Variants in TCF4 observed in about 807,000 individuals in gnomAD.
TCF4 encodes the protein transcription factor 4.
TCF4 carries 3 observed loss-of-function variants against 82.1 expected under a neutral mutation model. The observed-to-expected ratio is 0.04, with a 90% CI of 0.02 to 0.09. The LOEUF is 0.09. Ranked by LOEUF, TCF4 falls within the 10% of genes least tolerant of loss-of-function variation. The pLI is 1.00. For missense variants in TCF4, 518 were observed against 852.7 expected (o/e 0.61, Z 4.89); for synonymous variants, 276 against 309.6 (o/e 0.89, Z 1.14).
At chr18:55,453,806 A>C (rs527967746) in intron 5 of TCF4, among the ~76,000 whole-genome samples, 4 of 149,908 alleles carry the variant, frequency 2.7e-5, no homozygotes, top group African/African-American at 9.7e-5. Context: ...TTATAATAAT[A>C]ATAGTAATTA....
In TCF4 at chr18:55,586,041, C is replaced by T; in HGVS notation, c.73-689G>A. The T allele has an allele frequency of 2.2e-6, 3 of 1,383,334 alleles. 1 individual carries two copies. The South Asian group carries it at 4.0e-5, about 19-fold the overall frequency. The allele number at this position is 1,383,334 out of a possible 1,614,324, so 85.7% of individuals were successfully genotyped here. On this transcript the variant is annotated intron_variant, in intron 2 of 19. Transcript: ENST00000354452. ...GAAAGTGCAACAAGCAGAAAGGGGG[C>T]TGCAAAGCTGCCTGCCTAGGGCTAC...
At chr18:55,525,263 A>G (rs566698551) in intron 3 of TCF4, among the ~76,000 whole-genome samples, 1 of 152,210 alleles carries the variant, frequency 6.6e-6, no homozygotes, top group South Asian at 2.1e-4. Flanking sequence ...CAATTACATG[A>G]CATCGCTTCT....
At chr18:55,279,378 G>C (rs1779761825) in intron 9 of TCF4, among the ~76,000 whole-genome samples, 173 bp downstream of exon 9, 1 of 152,168 alleles carries the variant, frequency 6.6e-6, no homozygotes, top group Admixed American at 6.5e-5. Context: ...GAAAGACTTA[G>C]TACAGTTTTA....
At chr18:55,401,633 T>G (rs747717027) in intron 6 of TCF4, 2 of 989,086 alleles carry the variant, frequency 2.0e-6, no homozygotes, top group Non-Finnish European at 2.4e-6. Flanking sequence ...AGGGAAGTAT[T>G]CCCCACAAAC....
intron 8 of TCF4, among the ~76,000 whole-genome samples, chr18:55,341,014 C>A (rs1177332181): frequency 6.6e-6 from 1 of 152,158 alleles, no homozygotes; most frequent in African/African-American, 2.4e-5. Flanking sequence ...TTTGCTTGGG[C>A]AAAAGTTATA....
intron 5 of TCF4, chr18:55,422,661 C>T (rs150687388): frequency 5.4e-5 from 10 of 183,828 alleles, no homozygotes; most frequent in Admixed American, 2.0e-4. Context: ...TTGGCAGAGC[C>T]GCCGATTTTC....
chr18:55,228,804 C>T, intron 18 of TCF4, 43 bp downstream of exon 18: 2 of 1,607,536 alleles, frequency 1.2e-6, no homozygotes, highest in African/African-American at 1.3e-5. Context: ...GTGCCTGCCA[C>T]AAGCTCCTCA....
intron 2 of TCF4, among the ~76,000 whole-genome samples, chr18:55,606,781 A>G (rs1568488908): frequency 6.6e-6 from 1 of 152,222 alleles, no homozygotes; most frequent in African/African-American, 2.4e-5. Flanking sequence ...CTGAATGACA[A>G]TTGAAATGAT....
chr18:55,350,455 T>C, intron 7 of TCF4, 47 bp from the exon 8 acceptor site: 1 of 1,601,728 alleles, frequency 6.2e-7, no homozygotes, highest in South Asian at 1.1e-5. Flanking sequence ...CCCATTTTCC[T>C]AACTAAGATA....
At chr18:55,417,148 A>G (rs2094553214) in intron 5 of TCF4, among the ~76,000 whole-genome samples, 1 of 152,160 alleles carries the variant, frequency 6.6e-6, no homozygotes, top group African/African-American at 2.4e-5. Flanking sequence ...TATTTTTTTT[A>G]TCAAAGTTTA....
In TCF4 at chr18:55,625,658, A is replaced by G. The variant is rs151032700; in HGVS notation, c.286+5640T>C. ...CAATGTAAGTTTATTTTACCTCCCA[A>G]AGAATGTATTTTCTGATATATTTTT... On this transcript the variant is annotated intron_variant, in intron 2 of 20. Coordinates refer to the TCF4 transcript ENST00000398339. Among the ~76,000 whole-genome samples, 412 of 152,270 alleles carry G rather than the reference A, an allele frequency of 2.7e-3. 1 individual carries two copies. Among genetic ancestry groups the G allele is most frequent in the African/African-American group, 8.6e-3 (356 of 41,552 alleles).
At chr18:55,266,956 A>G (rs2059321908) in intron 11 of TCF4, 1 of 152,278 alleles carries the variant, frequency 6.6e-6, no homozygotes, top group East Asian at 1.9e-4. Flanking sequence ...ACTGCTGACC[A>G]CCAGAAAGAC....
At chr18:55,255,780 G>T (rs2056652220) in intron 14 of TCF4, among the ~76,000 whole-genome samples, 1 of 152,150 alleles carries the variant, frequency 6.6e-6, no homozygotes, top group Non-Finnish European at 1.5e-5. Flanking sequence ...TAAAGTCAGA[G>T]TTGGAATCTA....
chr18:55,516,314 T>C (rs1292569253), intron 3 of TCF4, among the ~76,000 whole-genome samples: 1 of 152,168 alleles, frequency 6.6e-6, no homozygotes, highest in African/African-American at 2.4e-5. Context: ...AATTGGTTCA[T>C]GGAAAATGCT....
intron 8 of TCF4, among the ~76,000 whole-genome samples, chr18:55,345,463 A>G (rs1047340408): frequency 6.6e-6 from 1 of 152,130 alleles, no homozygotes; most frequent in Non-Finnish European, 1.5e-5. Context: ...GTTTTGTCCT[A>G]TTTGAGATGA....
chr18:55,623,720 G>A (rs2097723826), intron 2 of TCF4, among the ~76,000 whole-genome samples: 1 of 151,970 alleles, frequency 6.6e-6, no homozygotes, highest in South Asian at 2.1e-4. Flanking sequence ...ATAAATTTTC[G>A]GTACAGCACA....
chr18:55,342,683 C>T (rs1217073153), intron 8 of TCF4, among the ~76,000 whole-genome samples: 1 of 152,046 alleles, frequency 6.6e-6, no homozygotes, highest in African/African-American at 2.4e-5. Flanking sequence ...AGTTATTAAA[C>T]TTTCTTAAGC....
intron 5 of TCF4, among the ~76,000 whole-genome samples, chr18:55,435,799 C>G (rs183245981): frequency 1.3e-5 from 2 of 152,330 alleles, no homozygotes; most frequent in East Asian, 3.9e-4. Context: ...TGTCAACTAC[C>G]CTGAGTTTCT....
At chr18:55,461,154 T>C in intron 4 of TCF4, 39 bp from the exon 5 acceptor site, 1 of 1,520,938 alleles carries the variant, frequency 6.6e-7, no homozygotes, top group Non-Finnish European at 9.0e-7. Flanking sequence ...TATTTTATAT[T>C]AATAAACAGC....
Sources: allele counts gnomAD v4.1 joint callset (sites outside exome capture counted in the v4.1 genomes callset), GRCh38; gene constraint gnomAD v4.1.1; transcripts MANE v1.5; gene names NCBI Gene and HGNC (gene_info 2026-07-23, HGNC 2026-07-21).